ZNF66: variants seen among roughly 807,000 people sequenced by gnomAD.
The protein encoded by ZNF66 is putative zinc finger protein 66.
Under a neutral mutation model 35.2 loss-of-function variants are expected in ZNF66, and 32 were observed. The ratio of observed to expected loss-of-function variants is 0.91; its 90% CI spans 0.69 to 1.22. ZNF66 has a LOEUF of 1.22. ZNF66 is among the 50% of genes most tolerant of loss of function. The probability of loss-of-function intolerance (pLI) is 0.00; values close to 1 mark genes in which losing one functional copy is unlikely to be tolerated. For missense variants in ZNF66, 666 were observed against 543.1 expected (o/e 1.23, Z -2.25); for synonymous variants, 231 against 181.3 (o/e 1.27, Z -2.20).
Position 20,807,182 on chromosome 19 carries a change from A to G in ZNF66, c.1582A>G (p.Lys528Glu). 1.3e-6 allele frequency: 1 copy of G among 758,618 alleles called. No homozygotes were observed. The highest frequency in any genetic ancestry group is 2.3e-6 in the Non-Finnish European group (1 of 433,604). 47.0% of individuals were successfully genotyped at this position (758,618 alleles called of 1,614,324 possible). A position where few individuals can be genotyped will look rare whatever the true frequency, so the allele number is the denominator to read the frequency against. ...FKYSSTLTRH[K>E]KIHTGGKPHK... ...GTACTCCTCTACCCTTACTAGACAT[A>G]AGAAAATTCATACTGGAGGGAAACC... The change falls in exon 4 of 4, where the codon AAG becomes GAG. Residue 528 changes from lysine to glutamate, a missense_variant. Coordinates refer to ENST00000344519, the MANE Select transcript of ZNF66 (RefSeq NM_001355197.2).
chr19:20,805,265 G>A (rs930101331), intron 3 of ZNF66, among the ~76,000 whole-genome samples: 3 of 152,106 alleles, frequency 2.0e-5, no homozygotes, highest in African/African-American at 7.2e-5. Context: ...TATGATGTCA[G>A]CTTACTGCAA....
intron 3 of ZNF66, among the ~76,000 whole-genome samples, chr19:20,797,104 G>C (rs1971399689): frequency 6.6e-6 from 1 of 150,520 alleles, no homozygotes; most frequent in Non-Finnish European, 1.5e-5. Flanking sequence ...GCTTGCCTTG[G>C]CCTTCCAAAG....
intron 3 of ZNF66, among the ~76,000 whole-genome samples, chr19:20,802,372 AT>A (rs1201747126): frequency 1.3e-5 from 2 of 152,198 alleles, no homozygotes; most frequent in African/African-American, 4.8e-5. Flanking sequence ...TGGAGTTAAA[AT>A]CACTCACCTC....
chr19:20,804,790 G>T lies in ZNF66; in HGVS notation c.227-1037G>T, dbSNP rs149549577. Among the ~76,000 whole-genome samples the T allele has an allele frequency of 7.2e-5, 11 of 152,190 alleles. No individual in the cohort carries two copies. The East Asian group carries it at 2.1e-3, about 29-fold the overall frequency. ...GGGAATTTCTCAAACATGTTTTTAGGATGTGTCTTGTCTAAAATTTTGTGT... is the reference window on the plus strand; with the variant it reads ...GGGAATTTCTCAAACATGTTTTTAGTATGTGTCTTGTCTAAAATTTTGTGT... On this transcript the variant is annotated intron_variant, in intron 3 of 3. Transcript: ENST00000344519.
At chr19:20,793,194 G>A (rs1255023080) in intron 2 of ZNF66, among the ~76,000 whole-genome samples, 3 of 151,880 alleles carry the variant, frequency 2.0e-5, no homozygotes, top group Non-Finnish European at 4.4e-5. Context: ...GAAATTTACT[G>A]ACTTAAAATA....
intron 1 of ZNF66, chr19:20,784,773 T>G (rs1443496238): frequency 5.9e-5 from 9 of 152,184 alleles, no homozygotes; most frequent in African/African-American, 1.9e-4. Context: ...ACACTTTGAG[T>G]GTTTCGAGAG....
chr19:20,781,032 A>G (rs985718318), intron 1 of ZNF66, among the ~76,000 whole-genome samples: 7 of 152,196 alleles, frequency 4.6e-5, no homozygotes, highest in Admixed American at 6.5e-5. Context: ...GTCTCCTGGC[A>G]TATCCCCATC....
rs1971509257 is a variant in ZNF66, at chr19:20,806,372, A to G, written c.772A>G (p.Lys258Glu). The change falls in exon 4 of 4, where the codon AAA becomes GAA. Residue 258 changes from lysine to glutamate, a missense_variant. By Grantham distance (56) the Lys-to-Glu change is moderately conservative (BLOSUM62 1). Coordinates refer to ENST00000344519, the MANE Select transcript of ZNF66 (RefSeq NM_001355197.2). ...AATTCATACTGGAGAGAAACCCTAC[A>G]AATGTGAAGAATGTGGCAAGGCCTT... ...KKIHTGEKPY[K>E]CEECGKAFKR... The G allele has an allele frequency of 6.4e-7, 1 of 1,570,282 alleles. No individual in the cohort carries two copies. The highest frequency in any genetic ancestry group is 8.8e-7 in the Non-Finnish European group (1 of 1,141,432).
At chr19:20,793,712 C>A in intron 2 of ZNF66, 71 bp from the exon 3 acceptor site, 1 of 564,648 alleles carries the variant, frequency 1.8e-6, no homozygotes, top group Non-Finnish European at 3.0e-6. Context: ...CATCATCTTT[C>A]CTGAGCACAT....
At chr19:20,804,451 G>T (rs1450814275) in intron 3 of ZNF66, among the ~76,000 whole-genome samples, 1 of 151,904 alleles carries the variant, frequency 6.6e-6, no homozygotes, top group African/African-American at 2.4e-5. Context: ...CACCATGTTG[G>T]CCAGGCTAAT....
rs1971569116 is a variant in ZNF66 at position 20,809,673 on chromosome 19, G to T, written c.*2351G>T. ...CCAGGCCTGCCCTAAAAGAGCTCCT[G>T]AAGGAAGCACTAAACATGGAAAGGA... On this transcript the variant is annotated 3_prime_UTR_variant, in exon 4 of 4. Coordinates refer to ENST00000344519, the MANE Select transcript of ZNF66 (RefSeq NM_001355197.2). Among the ~76,000 whole-genome samples the T allele has an allele frequency of 6.6e-6, 1 of 152,010 alleles. No homozygotes were observed. The highest frequency in any genetic ancestry group is 1.5e-5 in the Non-Finnish European group (1 of 68,002).
At chr19:20,794,809 A>C (rs535221880) in intron 3 of ZNF66, among the ~76,000 whole-genome samples, 22 of 150,694 alleles carry the variant, frequency 1.5e-4, no homozygotes, top group Admixed American at 6.6e-4. Flanking sequence ...TAGTTTAGAC[A>C]GGTTTTAATG....
At chr19:20,797,625 G>A (rs112397812) in intron 3 of ZNF66, among the ~76,000 whole-genome samples, 4,129 of 151,374 alleles carry the variant, frequency 0.027, 180 homozygotes, top group African/African-American at 0.095. Context: ...GTGCATTGGC[G>A]TGATCTTGGC....
chr19:20,779,312 C>T (rs1971224201), intron 1 of ZNF66, among the ~76,000 whole-genome samples: 1 of 151,972 alleles, frequency 6.6e-6, no homozygotes. Context: ...AAAGGGCTTT[C>T]TTTTTTAGGG....
rs777213768 is a variant in ZNF66 at position 20,806,455 on chromosome 19, C to A, written c.855C>A (p.Tyr285Ter). The A allele has an allele frequency of 3.2e-6, 5 of 1,543,782 alleles. No homozygotes were observed. In the South Asian group the frequency reaches 4.5e-5, roughly 14 times the overall value. Residue 285 changes from tyrosine (Y) to a stop codon, truncating the protein, a stop_gained, in exon 4 of 4, where the codon TAC becomes TAA. Coordinates refer to ENST00000344519, the MANE Select transcript of ZNF66 (RefSeq NM_001355197.2). LOFTEE classifies it high-confidence loss of function. ...HKRIHTGEKPYKCEECGKVFK... is the reference protein window; with the variant it reads ...HKRIHTGEKP ...GAATTCATACTGGAGAGAAACCCTA[C>A]AAATGTGAAGAATGTGGCAAAGTTT...
Position 20,801,237 on chromosome 19 carries a change from G to A in ZNF66, c.227-4590G>A, listed in dbSNP as rs374381327. Among the ~76,000 whole-genome samples, 21 of 152,150 alleles carry A rather than the reference G, an allele frequency of 1.4e-4. No individual in the cohort carries two copies. In the East Asian group the frequency reaches 3.3e-3, roughly 24 times the overall value. ...ACCCTATTTGACTCAATGCTAAAAT[G>A]AGTCTCTTGTAGGGAGCATAGTGTA... On this transcript the variant is annotated intron_variant, in intron 3 of 3. Coordinates refer to ENST00000344519, the MANE Select transcript of ZNF66 (RefSeq NM_001355197.2).
intron 3 of ZNF66, among the ~76,000 whole-genome samples, chr19:20,798,126 T>C (rs1971412718): frequency 6.6e-6 from 1 of 152,186 alleles, no homozygotes; most frequent in South Asian, 2.1e-4. Context: ...CTCATGGGGA[T>C]AGTCTTATTT....
intron 3 of ZNF66, among the ~76,000 whole-genome samples, chr19:20,800,811 T>C (rs1270672414): frequency 1.3e-5 from 2 of 152,192 alleles, no homozygotes; most frequent in Non-Finnish European, 2.9e-5. Flanking sequence ...TTATGCACTC[T>C]CAAGTATTGC....
chr19:20,795,399 C>T (rs1177859104), intron 3 of ZNF66, among the ~76,000 whole-genome samples: 3 of 147,606 alleles, frequency 2.0e-5, no homozygotes, highest in Non-Finnish European at 4.5e-5. Flanking sequence ...TGGAGTTTTG[C>T]TCCTGTTGCC....
Sources: gnomAD v4.1 joint callset for allele counts (sites outside exome capture counted in the v4.1 genomes callset) on GRCh38, gnomAD v4.1.1 for gene constraint, MANE v1.5 for transcripts, NCBI Gene and HGNC (gene_info 2026-07-23, HGNC 2026-07-21) for gene names.